The following MDFIC variants were observed in gnomAD, a reference collection of about 807,000 sequenced individuals.
The protein encoded by MDFIC is myoD family inhibitor domain-containing protein.
A neutral mutation model predicts 23.2 loss-of-function variants in MDFIC; 17 were observed. The ratio of observed to expected loss-of-function variants is 0.73; its 90% CI spans 0.50 to 1.10. The LOEUF (loss-of-function observed/expected upper bound fraction) is 1.10, where lower values mean the gene tolerates loss of function less well. Ranked by LOEUF, MDFIC falls within the 50% of genes least tolerant of loss-of-function variation. The pLI, the probability that MDFIC is intolerant of heterozygous loss-of-function variation, is 0.00. For missense variants in MDFIC, 356 were observed against 316.6 expected, an observed-to-expected ratio of 1.12 and a Z score of -0.95; for synonymous variants, 120 against 115.2, an observed-to-expected ratio of 1.04 and a Z score of -0.27.
chr7:114,978,019 T>C (rs1487511814), intron 3 of MDFIC, among the ~76,000 whole-genome samples: 1 of 148,572 alleles, frequency 6.7e-6, no homozygotes, highest in African/African-American at 2.4e-5. Context: ...TATTATTATA[T>C]TAATTGGTAT....
chr7:114,932,054 C>T (rs1384160775), intron 2 of MDFIC, among the ~76,000 whole-genome samples: 1 of 152,166 alleles, frequency 6.6e-6, no homozygotes, highest in Non-Finnish European at 1.5e-5. Context: ...TTTCATTACT[C>T]AGGCAATACA....
At chr7:114,971,964 A>T (rs1793213741) in intron 3 of MDFIC, among the ~76,000 whole-genome samples, 3 of 152,180 alleles carry the variant, frequency 2.0e-5, no homozygotes, top group Non-Finnish European at 4.4e-5. Context: ...AACACAGAAT[A>T]AAAAAACAAA....
chr7:114,948,071 G>A (rs1444212805), intron 3 of MDFIC, among the ~76,000 whole-genome samples: 1 of 152,102 alleles, frequency 6.6e-6, no homozygotes. Context: ...ATTGATTGCT[G>A]AATGGTTTAT....
In MDFIC at chr7:115,018,229, AT is replaced by A. The variant is rs1449976375; in HGVS notation, c.*2295del. 2.0e-5 allele frequency: 3 copies of A among 152,024 alleles called. No individual in the cohort carries two copies. The highest frequency in any genetic ancestry group is 2.9e-5 in the Non-Finnish European group (2 of 67,860). The allele number at this position is 152,024 out of a possible 1,614,324, so 9.4% of individuals were successfully genotyped here. A position where few individuals can be genotyped will look rare whatever the true frequency, so the allele number is the denominator to read the frequency against. ...ATACCCAAAATTAACTTATGCTCATATATTAGGATGTGAGAATATCATCTGT... is the reference window on the plus strand; with the variant it reads ...ATACCCAAAATTAACTTATGCTCATAATTAGGATGTGAGAATATCATCTGT... On this transcript the variant is annotated 3_prime_UTR_variant, in exon 5 of 5. Coordinates refer to ENST00000393486, the MANE Select transcript of MDFIC (RefSeq NM_001166345.3).
intron 3 of MDFIC, among the ~76,000 whole-genome samples, chr7:114,963,621 G>A (rs546198242): frequency 3.3e-5 from 5 of 152,290 alleles, no homozygotes; most frequent in African/African-American, 1.2e-4. Flanking sequence ...TGTCACCCAG[G>A]CTGGAGTGCA....
chr7:115,014,976 G>A (rs1277420640), intron 4 of MDFIC, among the ~76,000 whole-genome samples: 1 of 152,144 alleles, frequency 6.6e-6, no homozygotes, highest in Non-Finnish European at 1.5e-5. Flanking sequence ...TGCCACCAAA[G>A]GAAGTGGGAA....
At chr7:115,005,346 G>A (rs1297100390) in intron 4 of MDFIC, among the ~76,000 whole-genome samples, 1 of 152,152 alleles carries the variant, frequency 6.6e-6, no homozygotes, top group African/African-American at 2.4e-5. Flanking sequence ...AAATACCTTT[G>A]TTTTTGTGCC....
intron 4 of MDFIC, among the ~76,000 whole-genome samples, chr7:114,999,267 A>T (rs1057010083): frequency 6.6e-6 from 1 of 152,144 alleles, no homozygotes; most frequent in Non-Finnish European, 1.5e-5. Context: ...TTTGTGAGTT[A>T]TGGGTACATA....
At chr7:114,961,215 A>T (rs1319330379) in intron 3 of MDFIC, among the ~76,000 whole-genome samples, 2 of 151,954 alleles carry the variant, frequency 1.3e-5, no homozygotes, top group Non-Finnish European at 2.9e-5. Flanking sequence ...ACACATGAAC[A>T]CTCCTAACCT....
At chr7:115,006,268 C>T (rs918811020) in intron 4 of MDFIC, among the ~76,000 whole-genome samples, 3 of 152,138 alleles carry the variant, frequency 2.0e-5, no homozygotes, top group Non-Finnish European at 4.4e-5. Context: ...TGTGTATGAT[C>T]CCAGTCCTGT....
chr7:114,974,919 TG>T (rs953778857), intron 3 of MDFIC, among the ~76,000 whole-genome samples: 22 of 151,930 alleles, frequency 1.4e-4, no homozygotes, highest in African/African-American at 3.9e-4. Flanking sequence ...GTGTCAGCAA[TG>T]TTTTTTTTTT....
At chr7:114,952,550 T>C (rs772745241) in intron 3 of MDFIC, among the ~76,000 whole-genome samples, 20 of 152,154 alleles carry the variant, frequency 1.3e-4, no homozygotes, top group Non-Finnish European at 2.6e-4. Flanking sequence ...AAATCTCTTC[T>C]AAAACACACA....
chr7:114,985,912 C>T (rs1762077333), intron 4 of MDFIC, among the ~76,000 whole-genome samples: 1 of 151,820 alleles, frequency 6.6e-6, no homozygotes, highest in South Asian at 2.1e-4. Context: ...GTTTTCTTTT[C>T]TCTCTGTAAT....
At chr7:115,013,882 C>T in intron 4 of MDFIC, 1 of 591,162 alleles carries the variant, frequency 1.7e-6, no homozygotes, top group Non-Finnish European at 2.1e-6. Context: ...TTTTAGAGAT[C>T]CCCTGAAATG....
At chr7:115,001,090 T>C (rs1791457157) in intron 4 of MDFIC, among the ~76,000 whole-genome samples, 1 of 152,136 alleles carries the variant, frequency 6.6e-6, no homozygotes, top group South Asian at 2.1e-4. Context: ...CAAGTGGATG[T>C]AGGAGGTAAT....
chr7:115,009,161 A>C (rs1470227770), intron 4 of MDFIC, among the ~76,000 whole-genome samples: 2 of 152,238 alleles, frequency 1.3e-5, no homozygotes, highest in African/African-American at 4.8e-5. Flanking sequence ...GACTTGATTA[A>C]GAAAGTACTT....
chr7:115,010,700 G>T (rs371333354), intron 4 of MDFIC, among the ~76,000 whole-genome samples: 31 of 152,192 alleles, frequency 2.0e-4, no homozygotes, highest in African/African-American at 6.7e-4. Flanking sequence ...TCTCCATTTT[G>T]TAAGTTTTAA....
intron 2 of MDFIC, among the ~76,000 whole-genome samples, chr7:114,927,550 T>C (rs1299630583): frequency 6.6e-6 from 1 of 152,110 alleles, no homozygotes; most frequent in East Asian, 1.9e-4. Flanking sequence ...AATATATTTT[T>C]AACAATATAA....
intron 4 of MDFIC, among the ~76,000 whole-genome samples, chr7:115,001,143 G>T (rs1192552227): frequency 6.6e-6 from 1 of 152,146 alleles, no homozygotes; most frequent in Admixed American, 6.5e-5. Context: ...TTTGCTCAAG[G>T]ATATTAATCA....
Sources: allele counts gnomAD v4.1 joint callset (sites outside exome capture counted in the v4.1 genomes callset), GRCh38; gene constraint gnomAD v4.1.1; transcripts MANE v1.5; gene names NCBI Gene and HGNC (gene_info 2026-07-23, HGNC 2026-07-21).